CNTNAP5: variants seen among roughly 807,000 people sequenced by gnomAD.
The protein encoded by CNTNAP5 is contactin associated protein family member 5.
In CNTNAP5, 72 loss-of-function variants were observed where a neutral mutation model predicts 150.2. The ratio of observed to expected loss-of-function variants is 0.48; its 90% CI spans 0.40 to 0.58. CNTNAP5 has a LOEUF of 0.58. CNTNAP5 is among the 20% of genes least tolerant of loss of function. The probability of loss-of-function intolerance (pLI) is 0.00; values close to 1 mark genes in which losing one functional copy is unlikely to be tolerated. For missense variants in CNTNAP5, 1,636 were observed against 1,626.2 expected (o/e 1.01, Z -0.10); for synonymous variants, 672 against 619.8 (o/e 1.08, Z -1.25).
intron 1 of CNTNAP5, among the ~76,000 whole-genome samples, chr2:124,048,275 A>G (rs1358702828): frequency 6.6e-6 from 1 of 152,196 alleles, no homozygotes; most frequent in Non-Finnish European, 1.5e-5. Flanking sequence ...TACTCTAGGA[A>G]TGTCAGCTTG....
intron 6 of CNTNAP5, among the ~76,000 whole-genome samples, chr2:124,449,359 A>G (rs2104808929): frequency 6.6e-6 from 1 of 151,882 alleles, no homozygotes; most frequent in East Asian, 1.9e-4. Flanking sequence ...AAAGACAACA[A>G]CAACAGCAAA....
At chr2:124,439,526 G>A (rs572045676) in intron 5 of CNTNAP5, among the ~76,000 whole-genome samples, 6 of 152,294 alleles carry the variant, frequency 3.9e-5, no homozygotes, top group African/African-American at 1.4e-4. Flanking sequence ...AGACACCAGA[G>A]TAGAGCAACA....
chr2:124,237,056 G>A (rs1351637184), intron 2 of CNTNAP5, among the ~76,000 whole-genome samples: 1 of 152,126 alleles, frequency 6.6e-6, no homozygotes, highest in Non-Finnish European at 1.5e-5. Context: ...TTGAACCCAG[G>A]AGGCAGAAGT....
At chr2:124,609,768 A>G (rs759535227) in intron 11 of CNTNAP5, 33 bp from the exon 12 acceptor site, 5 of 1,608,740 alleles carry the variant, frequency 3.1e-6, no homozygotes, top group Middle Eastern at 3.3e-4. Context: ...AGAGCCAAGC[A>G]AAGTTTTATC....
At chr2:124,045,085 G>A (rs1374281785) in intron 1 of CNTNAP5, among the ~76,000 whole-genome samples, 1 of 152,036 alleles carries the variant, frequency 6.6e-6, no homozygotes, top group Admixed American at 6.6e-5. Context: ...TTTCAAATAT[G>A]TCTCTGGCTC....
chr2:124,613,000 C>T lies in CNTNAP5; in HGVS notation c.1876+3080C>T, dbSNP rs550247905. ...CTGGGAGGCAGAGATTGCAGTGAGC[C>T]GAGATTGTGCCACTGCACTCCAGCC... On this transcript the variant is annotated intron_variant, in intron 12 of 23. Transcript: ENST00000682447. 3.9e-5 allele frequency among the ~76,000 whole-genome samples: 6 copies of T among 152,050 alleles called. No homozygotes were observed. The East Asian group carries it at 7.8e-4, about 20-fold the overall frequency.
chr2:124,485,163 T>C (rs1693842605), intron 7 of CNTNAP5, among the ~76,000 whole-genome samples: 1 of 152,082 alleles, frequency 6.6e-6, no homozygotes, highest in Non-Finnish European at 1.5e-5. Flanking sequence ...GGGTAACTAA[T>C]AAAACAGGTA....
At chr2:124,451,797 C>T (rs892532360) in intron 6 of CNTNAP5, among the ~76,000 whole-genome samples, 7 of 152,046 alleles carry the variant, frequency 4.6e-5, no homozygotes, top group Non-Finnish European at 8.8e-5. Flanking sequence ...CTGGGGAACC[C>T]GAAGGTCTAG....
rs958165033 is a variant in CNTNAP5, at chr2:124,713,253, C to T, written c.2078-33976C>T. 3.2e-4 allele frequency among the ~76,000 whole-genome samples: 31 copies of T among 97,462 alleles called. 3 individuals are homozygous for T. Among genetic ancestry groups the T allele is most frequent in the Admixed American group, 1.3e-3 (12 of 9,098 alleles). The allele number at this position is 97,462 out of a possible 152,430, so 63.9% of individuals were successfully genotyped here. A position where few individuals can be genotyped will look rare whatever the true frequency, so the allele number is the denominator to read the frequency against. On this transcript the variant is annotated intron_variant, in intron 13 of 23. Transcript: ENST00000682447. The stretch of plus-strand genomic sequence containing the variant: ...TTTCTTTCTTTCTTTCTCTTTCTTT[C>T]TTTCTTTCTTTCTTTCTTTCTTTCT...
chr2:124,519,093 A>G (rs1253264377), intron 8 of CNTNAP5, among the ~76,000 whole-genome samples: 2 of 151,794 alleles, frequency 1.3e-5, no homozygotes, highest in Admixed American at 6.6e-5. Context: ...AAAATAGAGC[A>G]TAATGTATGA....
intron 6 of CNTNAP5, among the ~76,000 whole-genome samples, chr2:124,466,802 A>C (rs946575443): frequency 2.6e-5 from 4 of 152,186 alleles, no homozygotes; most frequent in African/African-American, 9.7e-5. Flanking sequence ...GGGCCATTTC[A>C]TACAGACTAT....
intron 13 of CNTNAP5, among the ~76,000 whole-genome samples, chr2:124,654,099 G>C (rs1044832210): frequency 6.6e-6 from 1 of 152,156 alleles, no homozygotes; most frequent in African/African-American, 2.4e-5. Flanking sequence ...GATGAGGCAG[G>C]TGCCTTTTTG....
chr2:124,666,904 C>T (rs538376830), intron 13 of CNTNAP5, among the ~76,000 whole-genome samples: 55 of 147,292 alleles, frequency 3.7e-4, no homozygotes, highest in African/African-American at 1.2e-3. Flanking sequence ...TTGGATTCCT[C>T]AAGACTTTCA....
chr2:124,617,518 C>A (rs1054526224), intron 12 of CNTNAP5, among the ~76,000 whole-genome samples: 2 of 152,078 alleles, frequency 1.3e-5, no homozygotes, highest in Non-Finnish European at 2.9e-5. Flanking sequence ...GTCACGTGGC[C>A]TTCTCCTCCC....
chr2:124,651,328 A>G (rs964759975), intron 13 of CNTNAP5, among the ~76,000 whole-genome samples: 5 of 152,214 alleles, frequency 3.3e-5, no homozygotes, highest in Non-Finnish European at 5.9e-5. Context: ...TCTCCTATAT[A>G]CTATGCACAA....
chr2:124,116,465 CA>C (rs1298783442), intron 1 of CNTNAP5, among the ~76,000 whole-genome samples: 8 of 152,144 alleles, frequency 5.3e-5, no homozygotes, highest in African/African-American at 1.9e-4. Context: ...GCTGGACATC[CA>C]TAGTTTTATT....
chr2:124,291,124 TTTG>T (rs1344133630), intron 3 of CNTNAP5, among the ~76,000 whole-genome samples: 3 of 152,068 alleles, frequency 2.0e-5, no homozygotes, highest in African/African-American at 7.2e-5. Flanking sequence ...GTAATTATTG[TTTG>T]TTTTTTGTTG....
At chr2:124,483,498 G>A (rs886634296) in intron 7 of CNTNAP5, among the ~76,000 whole-genome samples, 4 of 152,196 alleles carry the variant, frequency 2.6e-5, no homozygotes, top group African/African-American at 7.2e-5. Flanking sequence ...GCTGTATTCA[G>A]AGTGGGTAGA....
intron 13 of CNTNAP5, among the ~76,000 whole-genome samples, chr2:124,698,619 G>A (rs1295183329): frequency 6.6e-6 from 1 of 152,090 alleles, no homozygotes; most frequent in African/African-American, 2.4e-5. Context: ...GGCTCACATA[G>A]TACCCTGAAC....
Sources: gnomAD v4.1 joint callset for allele counts (sites outside exome capture counted in the v4.1 genomes callset) on GRCh38, gnomAD v4.1.1 for gene constraint, MANE v1.5 for transcripts, NCBI Gene and HGNC (gene_info 2026-07-23, HGNC 2026-07-21) for gene names.